TTLL5: variants seen among roughly 807,000 people sequenced by gnomAD.
TTLL5 encodes tubulin polyglutamylase TTLL5.
In TTLL5, 132 loss-of-function variants were observed where a neutral mutation model predicts 168.4. The ratio of observed to expected loss-of-function variants is 0.78; its 90% CI spans 0.68 to 0.91. The LOEUF (loss-of-function observed/expected upper bound fraction) is 0.91, where lower values mean the gene tolerates loss of function less well. TTLL5 is among the 40% of genes least tolerant of loss of function. The probability of loss-of-function intolerance (pLI) is 0.00; values close to 1 mark genes in which losing one functional copy is unlikely to be tolerated. For synonymous variants in TTLL5, 546 were observed against 558.6 expected (o/e 0.98, Z 0.32); for missense variants, 1,545 against 1,581.5 (o/e 0.98, Z 0.39).
rs1309701529 is a variant in TTLL5, at chr14:75,739,617, T to C, written c.1281+4328T>C. 2.0e-5 allele frequency among the ~76,000 whole-genome samples: 3 copies of C among 152,180 alleles called. No individual in the cohort carries two copies. The East Asian group carries it at 5.8e-4, about 29-fold the overall frequency. On this transcript the variant is annotated intron_variant, in intron 15 of 31. Coordinates refer to ENST00000298832, the MANE Select transcript of TTLL5 (RefSeq NM_015072.5). ...ATGGCATGGTACTGTGGAAAGAATATGGACTTTTACAGTCCGATAGACCTG... is the reference window on the plus strand; with the variant it reads ...ATGGCATGGTACTGTGGAAAGAATACGGACTTTTACAGTCCGATAGACCTG...
intron 29 of TTLL5, among the ~76,000 whole-genome samples, chr14:75,881,179 G>A (rs2031793943): frequency 6.6e-6 from 1 of 152,170 alleles, no homozygotes; most frequent in Admixed American, 6.5e-5. Context: ...CTCCCAAAGT[G>A]CTAGGATTAC....
chr14:75,872,247 T>C (rs1566639472), intron 29 of TTLL5, among the ~76,000 whole-genome samples: 1 of 152,234 alleles, frequency 6.6e-6, no homozygotes, highest in South Asian at 2.1e-4. Context: ...AAGAGAATGA[T>C]CTTGGAGCAA....
At chr14:75,846,769 A>C (rs1896567191) in intron 28 of TTLL5, among the ~76,000 whole-genome samples, 1 of 146,428 alleles carries the variant, frequency 6.8e-6, no homozygotes, top group Non-Finnish European at 1.5e-5. Context: ...CAGCCTGGGC[A>C]ACAAGAGTGA....
Position 75,728,765 on chromosome 14 carries a change from C to A in TTLL5, c.1043-3573C>A, listed in dbSNP as rs566358878. 1.3e-4 allele frequency among the ~76,000 whole-genome samples: 20 copies of A among 151,902 alleles called. No individual in the cohort carries two copies. The South Asian group carries it at 4.2e-3, about 32-fold the overall frequency. On this transcript the variant is annotated intron_variant, in intron 12 of 31. Coordinates refer to ENST00000298832, the MANE Select transcript of TTLL5 (RefSeq NM_015072.5). The stretch of plus-strand genomic sequence containing the variant: ...AAACTAGAATTGAGAAGGAAGGAGA[C>A]CTGAGAGTGTCACCCTGAGCAAACC...
At chr14:75,919,686 A>C (rs569763927) in intron 31 of TTLL5, among the ~76,000 whole-genome samples, 1 of 152,356 alleles carries the variant, frequency 6.6e-6, no homozygotes, top group South Asian at 2.1e-4. Context: ...AGAAGAATAC[A>C]TAGGAATAAA....
chr14:75,837,212 G>A (rs1364163571), intron 28 of TTLL5: 1 of 152,154 alleles, frequency 6.6e-6, no homozygotes, highest in Non-Finnish European at 1.5e-5. Flanking sequence ...ATGAGTTCAT[G>A]CTGGCTGTCG....
intron 18 of TTLL5, among the ~76,000 whole-genome samples, chr14:75,757,522 A>G (rs1418981754): frequency 6.6e-6 from 1 of 152,216 alleles, no homozygotes; most frequent in Non-Finnish European, 1.5e-5. Context: ...AACCTTCTTC[A>G]CATGGTGGTT....
chr14:75,901,784 A>G (rs148134564), intron 30 of TTLL5, among the ~76,000 whole-genome samples: 1 of 152,328 alleles, frequency 6.6e-6, no homozygotes, highest in African/African-American at 2.4e-5. Context: ...AGGTAAGTCA[A>G]TGCCAGAAAT....
intron 7 of TTLL5, among the ~76,000 whole-genome samples, chr14:75,706,048 A>G (rs1004260187): frequency 3.9e-5 from 6 of 152,006 alleles, no homozygotes; most frequent in Admixed American, 3.9e-4. Flanking sequence ...TTTTAGCCCC[A>G]GGTCTGTGAA....
chr14:75,934,108 C>T (rs1264393595), intron 31 of TTLL5, among the ~76,000 whole-genome samples: 2 of 152,232 alleles, frequency 1.3e-5, no homozygotes, highest in Non-Finnish European at 2.9e-5. Context: ...AGCCAGAAAG[C>T]CATGAGAGCC....
At chr14:75,846,246 A>G (rs528640109) in intron 28 of TTLL5, among the ~76,000 whole-genome samples, 1 of 152,324 alleles carries the variant, frequency 6.6e-6, no homozygotes, top group Non-Finnish European at 1.5e-5. Flanking sequence ...CCAGCAGGTC[A>G]GGCAAGTAAG....
intron 31 of TTLL5, among the ~76,000 whole-genome samples, chr14:75,931,411 CT>C (rs889557503): frequency 2.6e-5 from 4 of 152,218 alleles, no homozygotes; most frequent in Non-Finnish European, 5.9e-5. Context: ...CATTATTATA[CT>C]TTTCCCTTTA....
At chr14:75,916,074 T>TA (rs2033604041) in intron 31 of TTLL5, among the ~76,000 whole-genome samples, 1 of 151,552 alleles carries the variant, frequency 6.6e-6, no homozygotes, top group Admixed American at 6.6e-5. Context: ...TGCAGTGAGA[T>TA]ATGATCGGGC....
At chr14:75,870,227 G>T (rs951534540) in intron 29 of TTLL5, among the ~76,000 whole-genome samples, 1 of 150,270 alleles carries the variant, frequency 6.7e-6, no homozygotes. Flanking sequence ...AAGTTTTCCT[G>T]CACTTAGGCC....
At chr14:75,833,429 G>A (rs995607913) in intron 28 of TTLL5, among the ~76,000 whole-genome samples, 1 of 152,076 alleles carries the variant, frequency 6.6e-6, no homozygotes, top group Admixed American at 6.5e-5. Flanking sequence ...TTAAAATATC[G>A]AAGATCTTCC....
At chr14:75,911,501 C>G (rs913224929) in intron 31 of TTLL5, among the ~76,000 whole-genome samples, 1 of 152,162 alleles carries the variant, frequency 6.6e-6, no homozygotes, top group African/African-American at 2.4e-5. Flanking sequence ...TTAGAAGTTG[C>G]TGTATGTATC....
At chr14:75,850,443 T>C (rs572719388) in intron 28 of TTLL5, among the ~76,000 whole-genome samples, 1 of 137,638 alleles carries the variant, frequency 7.3e-6, no homozygotes, top group Admixed American at 7.2e-5. Flanking sequence ...TAACTAAATG[T>C]GCAGCTGTAC....
chr14:75,894,386 T>C (rs1298932946), intron 30 of TTLL5, among the ~76,000 whole-genome samples: 4 of 152,098 alleles, frequency 2.6e-5, no homozygotes, highest in African/African-American at 9.7e-5. Flanking sequence ...TCCCCATCTC[T>C]ACTAAAAATA....
intron 27 of TTLL5, among the ~76,000 whole-genome samples, chr14:75,799,164 T>A (rs1374247908): frequency 6.6e-6 from 1 of 152,150 alleles, no homozygotes; most frequent in African/African-American, 2.4e-5. Context: ...GGCGCATATG[T>A]ATTTAGGATT....
Sources: allele counts gnomAD v4.1 joint callset (sites outside exome capture counted in the v4.1 genomes callset), GRCh38; gene constraint gnomAD v4.1.1; transcripts MANE v1.5; gene names NCBI Gene and HGNC (gene_info 2026-07-23, HGNC 2026-07-21).